SORCS2: variants seen among roughly 807,000 people sequenced by gnomAD.
SORCS2 encodes sortilin related VPS10 domain containing receptor 2.
In SORCS2, 100 loss-of-function variants were observed where a neutral mutation model predicts 141.6. That is an observed-to-expected ratio of 0.71 (90% confidence interval 0.60 to 0.83). The LOEUF (loss-of-function observed/expected upper bound fraction) is 0.83, where lower values mean the gene tolerates loss of function less well. Ranked by LOEUF, SORCS2 falls within the 40% of genes least tolerant of loss-of-function variation. The pLI is 0.00. For synonymous variants in SORCS2, 789 were observed against 676.9 expected (o/e 1.17, Z -2.57); for missense variants, 1,646 against 1,560.2 (o/e 1.05, Z -0.93).
intron 17 of SORCS2, among the ~76,000 whole-genome samples, chr4:7,717,453 C>T (rs979682272): frequency 6.6e-6 from 1 of 152,236 alleles, no homozygotes; most frequent in Non-Finnish European, 1.5e-5. Flanking sequence ...CACTACCTGG[C>T]CCATAATAGA....
intron 2 of SORCS2, among the ~76,000 whole-genome samples, chr4:7,437,127 C>G (rs10027137): frequency 0.04 from 6,163 of 152,190 alleles, 166 homozygotes; most frequent in African/African-American, 0.077. Context: ...AGACCCCACA[C>G]GTTAAGGGCT....
intron 3 of SORCS2, among the ~76,000 whole-genome samples, chr4:7,617,282 C>T (rs1043701804): frequency 1.3e-5 from 2 of 152,164 alleles, no homozygotes; most frequent in African/African-American, 4.8e-5. Flanking sequence ...CCCCATTATC[C>T]ATCCACCCAC....
At chr4:7,473,764 C>T (rs993310797) in intron 2 of SORCS2, among the ~76,000 whole-genome samples, 1 of 151,926 alleles carries the variant, frequency 6.6e-6, no homozygotes, top group Non-Finnish European at 1.5e-5. Context: ...GGAGGGTGGG[C>T]GCGGTCCTGG....
intron 14 of SORCS2, among the ~76,000 whole-genome samples, chr4:7,705,113 G>A (rs1725340538): frequency 6.6e-6 from 1 of 152,192 alleles, no homozygotes; most frequent in Non-Finnish European, 1.5e-5. Context: ...GAGTAGGGCG[G>A]ACCCTGATCC....
At chr4:7,227,325 C>G (rs539552861) in intron 1 of SORCS2, among the ~76,000 whole-genome samples, 1 of 152,342 alleles carries the variant, frequency 6.6e-6, no homozygotes, top group Admixed American at 6.5e-5. Context: ...CACCGCTGGC[C>G]CTGGGTTCCC....
At chr4:7,506,064 TAA>T (rs1732260334) in intron 2 of SORCS2, among the ~76,000 whole-genome samples, 1 of 152,108 alleles carries the variant, frequency 6.6e-6, no homozygotes, top group Admixed American at 6.5e-5. Context: ...ATAGGGGCAC[TAA>T]TCTGGGGTGG....
chr4:7,267,420 G>A (rs982104212), intron 1 of SORCS2, among the ~76,000 whole-genome samples: 1 of 152,052 alleles, frequency 6.6e-6, no homozygotes, highest in African/African-American at 2.4e-5. Flanking sequence ...CTATTTCCCC[G>A]CCCCTACCCA....
chr4:7,307,562 C>T (rs777622957), intron 1 of SORCS2, among the ~76,000 whole-genome samples: 3 of 152,216 alleles, frequency 2.0e-5, no homozygotes, highest in Non-Finnish European at 4.4e-5. Flanking sequence ...GTCAGGGCTC[C>T]GCCGCCATGC....
intron 1 of SORCS2, among the ~76,000 whole-genome samples, chr4:7,263,839 GAC>G (rs1714531851): frequency 6.6e-6 from 1 of 152,230 alleles, no homozygotes; most frequent in Non-Finnish European, 1.5e-5. Context: ...CCCCGACGTG[GAC>G]ACTGGTTCAT....
intron 3 of SORCS2, among the ~76,000 whole-genome samples, chr4:7,624,858 G>C (rs1053232170): frequency 6.6e-6 from 1 of 152,220 alleles, no homozygotes; most frequent in Non-Finnish European, 1.5e-5. Context: ...ATTCACTCTA[G>C]AGCCTCAGCG....
rs1726962713 is a variant in SORCS2, at chr4:7,193,290, C to T, written c.480+164C>T. On this transcript the variant is annotated intron_variant, in intron 1 of 26. Transcript: ENST00000507866. The surrounding 1 kb of genome is among the most constrained non-coding windows in gnomAD (Gnocchi z 4.8). ...ACCTCGGCCGCGCCCCTACTGGCCT[C>T]TGGTCACTGGTTACTTGGGGAGAGG... Among the ~76,000 whole-genome samples the T allele has an allele frequency of 6.6e-6, 1 of 152,220 alleles. No individual in the cohort carries two copies. Among genetic ancestry groups the T allele is most frequent in the African/African-American group, 2.4e-5 (1 of 41,468 alleles).
At chr4:7,361,424 T>C (rs1397041086) in intron 1 of SORCS2, among the ~76,000 whole-genome samples, 1 of 152,128 alleles carries the variant, frequency 6.6e-6, no homozygotes, top group African/African-American at 2.4e-5. Flanking sequence ...TTGCCCAAAT[T>C]AGCAGCTCCT....
chr4:7,630,496 G>A (rs4689808), intron 3 of SORCS2, among the ~76,000 whole-genome samples: 38,058 of 152,098 alleles, frequency 0.25, 6,267 homozygotes, highest in East Asian at 0.74. Flanking sequence ...CTTGTCCAAG[G>A]CCACATCTCA....
chr4:7,213,400 C>T (rs886732394), intron 1 of SORCS2, among the ~76,000 whole-genome samples: 1 of 152,174 alleles, frequency 6.6e-6, no homozygotes, highest in African/African-American at 2.4e-5. Flanking sequence ...CTGGAGATGG[C>T]CCTATCACAT....
chr4:7,482,202 C>CT (rs766290654), intron 2 of SORCS2, among the ~76,000 whole-genome samples: 36 of 46,890 alleles, frequency 7.7e-4, no homozygotes, highest in South Asian at 1.4e-3. Context: ...ACACCCCTGA[C>CT]GCTGTTCAGA....
intron 2 of SORCS2, among the ~76,000 whole-genome samples, chr4:7,497,597 T>C (rs1731707255): frequency 6.6e-6 from 1 of 152,260 alleles, no homozygotes; most frequent in African/African-American, 2.4e-5. Flanking sequence ...CAGGAGTTTG[T>C]AATTCTGGTC....
intron 1 of SORCS2, among the ~76,000 whole-genome samples, chr4:7,195,806 T>C (rs902983340): frequency 6.6e-6 from 1 of 152,216 alleles, no homozygotes; most frequent in Non-Finnish European, 1.5e-5. Context: ...AGCACCATCT[T>C]TGAAAGCTAC....
chr4:7,267,141 G>A lies in SORCS2; in HGVS notation c.480+74015G>A, dbSNP rs531015040. The stretch of plus-strand genomic sequence containing the variant: ...GTGAATCAAACTTTCTAATTCAGCG[G>A]AAACACTATGACCACCAGGGACGGG... On this transcript the variant is annotated intron_variant, in intron 1 of 26. Transcript: ENST00000507866. Among the ~76,000 whole-genome samples, 5 of 149,442 alleles carry A rather than the reference G, an allele frequency of 3.3e-5. No homozygotes were observed. In the South Asian group the frequency reaches 1.1e-3, roughly 32 times the overall value.
chr4:7,304,010 T>C (rs1717620008), intron 1 of SORCS2, among the ~76,000 whole-genome samples: 1 of 152,262 alleles, frequency 6.6e-6, no homozygotes, highest in Non-Finnish European at 1.5e-5. Context: ...CAGGTGCTAT[T>C]GTCAGCCTCA....
Sources: allele counts gnomAD v4.1 joint callset (sites outside exome capture counted in the v4.1 genomes callset), GRCh38; gene constraint gnomAD v4.1.1; non-coding constraint Gnocchi (gnomAD v3.1); transcripts MANE v1.5; gene names NCBI Gene and HGNC (gene_info 2026-07-23, HGNC 2026-07-21).